Variants in ENO4 observed in about 807,000 individuals in gnomAD.
ENO4 encodes the protein enolase 4, also known as 2-phospho-D-glycerate hydro-lyase.
A neutral mutation model predicts 63.2 loss-of-function variants in ENO4; 53 were observed. The ratio of observed to expected loss-of-function variants is 0.84; its 90% confidence interval spans 0.67 to 1.05. The LOEUF (loss-of-function observed/expected upper bound fraction) is 1.05, where lower values mean the gene tolerates loss of function less well. Ranked by LOEUF, ENO4 falls within the 50% of genes least tolerant of loss-of-function variation. The pLI, the probability that ENO4 is intolerant of heterozygous loss-of-function variation, is 0.00. For missense variants in ENO4, 719 were observed against 772.0 expected (o/e 0.93, Z 0.81); for synonymous variants, 266 against 283.8 (o/e 0.94, Z 0.63).
chr10:116,881,905 T>C lies in ENO4; in HGVS notation c.*236T>C, dbSNP rs965506338. 8.1e-6 allele frequency: 3 copies of C among 370,568 alleles called. No homozygotes were observed. The highest frequency in any genetic ancestry group is 1.4e-5 in the Non-Finnish European group (3 of 210,196). The allele number at this position is 370,568 out of a possible 1,614,324, so 23.0% of individuals were successfully genotyped here. ...ATGTGGATTTTGTTTGTCTATTAGC[T>C]CTCCTGTCCATTTTTCAGGGACACG... On this transcript the variant is annotated 3_prime_UTR_variant, in exon 14 of 14. Transcript: ENST00000341276.
intron 11 of ENO4, 103 bp downstream of exon 11, chr10:116,876,363 T>G: frequency 1.0e-6 from 1 of 989,766 alleles, no homozygotes; most frequent in South Asian, 1.9e-5. Context: ...GGAGAAATCT[T>G]GGAAGAAAAG....
chr10:116,878,740 A>T (rs1467985478), intron 11 of ENO4, among the ~76,000 whole-genome samples: 4 of 63,546 alleles, frequency 6.3e-5, no homozygotes, highest in Admixed American at 2.7e-4. Flanking sequence ...CAAATCATAT[A>T]TCTTTTTTTT....
At chr10:116,864,572 G>A (rs1268125196) in intron 7 of ENO4, among the ~76,000 whole-genome samples, 2 of 152,126 alleles carry the variant, frequency 1.3e-5, no homozygotes, top group African/African-American at 2.4e-5. Context: ...GATTACACAA[G>A]TAGCTGATGA....
downstream of ENO4, chr10:116,883,445 GT>G (rs2133289920): frequency 6.6e-6 from 1 of 152,310 alleles, no homozygotes; most frequent in South Asian, 2.1e-4. Context: ...TGCTTGATGA[GT>G]CTTTGAAGGT....
At chr10:116,872,021 A>AC (rs373184497) in intron 9 of ENO4, among the ~76,000 whole-genome samples, 23 of 152,234 alleles carry the variant, frequency 1.5e-4, no homozygotes, top group African/African-American at 3.4e-4. Flanking sequence ...ACATGGTGAA[A>AC]CCCCCCTCTA....
intron 11 of ENO4, among the ~76,000 whole-genome samples, chr10:116,878,660 G>A (rs576793054): frequency 2.9e-4 from 44 of 151,046 alleles, no homozygotes; most frequent in African/African-American, 9.4e-4. Context: ...CGCGGTCTTA[G>A]AAATGTGTCA....
At chr10:116,906,848 G>T in intron 10 of ENO4, 2 of 969,468 alleles carry the variant, frequency 2.1e-6, no homozygotes, top group South Asian at 2.4e-5. Context: ...GAATTTGAAT[G>T]GAATTATGAA....
intron 10 of ENO4, among the ~76,000 whole-genome samples, chr10:116,896,676 A>C (rs1847532397): frequency 6.6e-6 from 1 of 152,198 alleles, no homozygotes; most frequent in Non-Finnish European, 1.5e-5. Flanking sequence ...AATTACTGAC[A>C]CTATTCTCTT....
chr10:116,890,504 A>G (rs2133301971), intron 10 of ENO4, among the ~76,000 whole-genome samples: 1 of 152,282 alleles, frequency 6.6e-6, no homozygotes, highest in East Asian at 1.9e-4. Flanking sequence ...TCTTACCACA[A>G]CATACTGGTT....
At chr10:116,911,431 G>C (rs1433033491) in intron 10 of ENO4, 1 of 1,537,396 alleles carries the variant, frequency 6.5e-7, no homozygotes, top group Non-Finnish European at 8.8e-7. Flanking sequence ...AGGCTTCAAA[G>C]TAAAGCATTA....
chr10:116,908,260 A>G (rs1423412639), intron 10 of ENO4, among the ~76,000 whole-genome samples: 2 of 152,216 alleles, frequency 1.3e-5, no homozygotes, highest in Admixed American at 6.5e-5. Context: ...TTTTTTCCTT[A>G]GAAGTATCTC....
At chr10:116,896,801 CTTTTT>C (rs1230730641) in intron 10 of ENO4, among the ~76,000 whole-genome samples, 1 of 121,712 alleles carries the variant, frequency 8.2e-6, no homozygotes. Flanking sequence ...TGATCAGGTA[CTTTTT>C]TTTTTTTTTT....
rs1317699033 is a variant in ENO4, at chr10:116,881,514, G to A, written c.1724-1G>A. The A allele has an allele frequency of 6.5e-7, 1 of 1,536,328 alleles. No individual in the cohort carries two copies. Among genetic ancestry groups the A allele is most frequent in the Admixed American group, 2.1e-5 (1 of 48,172 alleles). On this transcript the variant is annotated splice_acceptor_variant, in intron 13 of 13. Coordinates refer to ENST00000341276, the MANE Select transcript of ENO4 (RefSeq NM_001242699.2). LOFTEE classifies it high-confidence loss of function. ...GTAAACTTTATTGTTACTTTAAATA[G>A]GTTTCAAAGAAGAACACACTTTTTT...
At position 116,856,548 on chromosome 10, in the gene ENO4, C is replaced by T. The variant is rs1449341902; in HGVS notation, c.351C>T (p.Pro117=). 8 of 1,536,096 alleles carry T rather than the reference C, an allele frequency of 5.2e-6. No individual in the cohort carries two copies. The highest frequency in any genetic ancestry group is 1.7e-4 in the Middle Eastern group (1 of 5,990). Residue 117 remains proline, a synonymous_variant, in exon 3 of 14, where the codon CCC becomes CCT. Coordinates refer to ENST00000341276, the MANE Select transcript of ENO4 (RefSeq NM_001242699.2). ...TTGAAGTCCATGAGAATGCTCTGCCCGAGCTGGCCAAGGCGGAGGAGGCAG... is the reference window on the plus strand; with the variant it reads ...TTGAAGTCCATGAGAATGCTCTGCCTGAGCTGGCCAAGGCGGAGGAGGCAG... ...THFEVHENAL[P]ELAKAEEAER...
chr10:116,872,989 G>C (rs1052426496), intron 9 of ENO4, among the ~76,000 whole-genome samples: 1 of 151,812 alleles, frequency 6.6e-6, no homozygotes, highest in African/African-American at 2.4e-5. Flanking sequence ...AAAAAAAATT[G>C]CATGTTTTCA....
intron 10 of ENO4, among the ~76,000 whole-genome samples, chr10:116,908,608 A>AT (rs1296960393): frequency 6.6e-6 from 1 of 152,202 alleles, no homozygotes; most frequent in East Asian, 1.9e-4. Flanking sequence ...AAACTACTAC[A>AT]TTGTTTCAAT....
chr10:116,859,872 G>C (rs1216603712), intron 4 of ENO4, among the ~76,000 whole-genome samples: 1 of 152,172 alleles, frequency 6.6e-6, no homozygotes. Context: ...GGGAGGCAGG[G>C]TACCTTATTT....
chr10:116,904,576 T>TAG (rs1248004546), intron 10 of ENO4, among the ~76,000 whole-genome samples: 10 of 152,188 alleles, frequency 6.6e-5, no homozygotes, highest in Admixed American at 3.3e-4. Flanking sequence ...TTAACGATTC[T>TAG]ACTGAAAATG....
At chr10:116,896,880 C>T (rs1847541382) in intron 10 of ENO4, among the ~76,000 whole-genome samples, 1 of 150,272 alleles carries the variant, frequency 6.7e-6, no homozygotes, top group Admixed American at 6.7e-5. Context: ...AATCTGGGCT[C>T]ACTGCAACCT....
Sources: allele counts gnomAD v4.1 joint callset (sites outside exome capture counted in the v4.1 genomes callset), GRCh38; gene constraint gnomAD v4.1.1; transcripts MANE v1.5; gene names NCBI Gene and HGNC (gene_info 2026-07-23, HGNC 2026-07-21).